The following EYS variants were observed in gnomAD, a reference collection of about 807,000 sequenced individuals.
EYS encodes protein eyes shut homolog.
EYS carries 250 observed loss-of-function variants against 282.1 expected under a neutral mutation model. The observed-to-expected ratio is 0.89, with a 90% CI of 0.80 to 0.98. EYS has a LOEUF of 0.98. Among genes scored for constraint, EYS ranks in the 50% least tolerant of loss-of-function variants. EYS has a pLI of 0.00. For synonymous variants in EYS, 1,355 were observed against 1,282.9 expected, an observed-to-expected ratio of 1.06 and a Z score of -1.20; for missense variants, 4,016 against 3,709.0, an observed-to-expected ratio of 1.08 and a Z score of -2.15.
chr6:64,932,238 G>T (rs902427362), intron 15 of EYS, among the ~76,000 whole-genome samples: 1 of 151,916 alleles, frequency 6.6e-6, no homozygotes, highest in Non-Finnish European at 1.5e-5. Context: ...GCCAGTGGAG[G>T]GGGAGGGGAT....
At chr6:65,639,567 A>G (rs1767209764) in intron 2 of EYS, among the ~76,000 whole-genome samples, 1 of 152,194 alleles carries the variant, frequency 6.6e-6, no homozygotes, top group East Asian at 1.9e-4. Context: ...GAGATATTTC[A>G]GCACACTTTT....
At chr6:65,262,050 T>G (rs140164394) in intron 12 of EYS, among the ~76,000 whole-genome samples, 1 of 152,198 alleles carries the variant, frequency 6.6e-6, no homozygotes, top group East Asian at 1.9e-4. Context: ...AAAAGTACAC[T>G]GATCATGTTG....
chr6:65,326,500 A>C (rs1342558284), intron 11 of EYS, among the ~76,000 whole-genome samples: 1 of 151,528 alleles, frequency 6.6e-6, no homozygotes, highest in Non-Finnish European at 1.5e-5. Flanking sequence ...ACCCCAGAAC[A>C]TATTTTAATA....
At chr6:63,812,873 C>T (rs550109408) in intron 36 of EYS, among the ~76,000 whole-genome samples, 11 of 152,176 alleles carry the variant, frequency 7.2e-5, no homozygotes, top group African/African-American at 2.6e-4. Flanking sequence ...TAAGTTTTTG[C>T]AATAATATGG....
intron 29 of EYS, among the ~76,000 whole-genome samples, chr6:64,381,111 T>C (rs370024433): frequency 6.6e-6 from 1 of 151,980 alleles, no homozygotes; most frequent in Non-Finnish European, 1.5e-5. Flanking sequence ...TATGAGGATA[T>C]AAGTATTTTA....
intron 12 of EYS, among the ~76,000 whole-genome samples, chr6:65,087,194 T>C (rs1409100050): frequency 6.6e-6 from 1 of 152,064 alleles, no homozygotes; most frequent in Admixed American, 6.6e-5. Context: ...TGAAATGTGT[T>C]TTCCATCCTC....
intron 12 of EYS, among the ~76,000 whole-genome samples, chr6:65,168,634 G>A (rs1011321699): frequency 6.6e-6 from 1 of 151,076 alleles, no homozygotes; most frequent in African/African-American, 2.4e-5. Flanking sequence ...ATCATCTTGG[G>A]GGTTAGGATT....
intron 22 of EYS, among the ~76,000 whole-genome samples, chr6:64,628,707 G>T (rs1379776111): frequency 6.6e-6 from 1 of 151,968 alleles, no homozygotes; most frequent in Non-Finnish European, 1.5e-5. Flanking sequence ...ATTTGTCTGC[G>T]TTCTTACCTA....
At chr6:63,968,928 T>G (rs1766428793) in intron 35 of EYS, among the ~76,000 whole-genome samples, 1 of 152,228 alleles carries the variant, frequency 6.6e-6, no homozygotes, top group Non-Finnish European at 1.5e-5. Context: ...AGATCTATAT[T>G]ACACAAAGCG....
intron 10 of EYS, among the ~76,000 whole-genome samples, chr6:65,342,547 T>A (rs1770238674): frequency 6.6e-6 from 1 of 150,586 alleles, no homozygotes; most frequent in Non-Finnish European, 1.5e-5. Context: ...ATCAAATTAA[T>A]CAAATTATTT....
At chr6:64,394,773 T>G (rs1773298069) in intron 28 of EYS, among the ~76,000 whole-genome samples, 2 of 151,696 alleles carry the variant, frequency 1.3e-5, no homozygotes, top group Non-Finnish European at 2.9e-5. Context: ...AAGACAAAAT[T>G]GACAAATGGG....
At chr6:65,699,766 T>G (rs1422519829) in intron 1 of EYS, among the ~76,000 whole-genome samples, 1 of 152,170 alleles carries the variant, frequency 6.6e-6, no homozygotes, top group Non-Finnish European at 1.5e-5. Flanking sequence ...AATCAAAGTC[T>G]TATTAATGAA....
chr6:63,937,539 A>C (rs923104031), intron 35 of EYS, among the ~76,000 whole-genome samples: 1 of 148,164 alleles, frequency 6.7e-6, no homozygotes, highest in Non-Finnish European at 1.5e-5. Flanking sequence ...CGCCACCACG[A>C]CCGGTTAATT....
At chr6:64,122,307 T>C (rs1418571759) in intron 31 of EYS, among the ~76,000 whole-genome samples, 2 of 152,174 alleles carry the variant, frequency 1.3e-5, no homozygotes, top group African/African-American at 4.8e-5. Context: ...TAGCATGAAA[T>C]CTTCCCTGGA....
intron 30 of EYS, among the ~76,000 whole-genome samples, chr6:64,287,082 G>T (rs1434381632): frequency 6.6e-6 from 1 of 152,086 alleles, no homozygotes; most frequent in Admixed American, 6.6e-5. Flanking sequence ...TGAAATAACA[G>T]GTTAGTTCTA....
chr6:65,541,249 T>C (rs945004700), intron 2 of EYS, among the ~76,000 whole-genome samples: 1 of 152,130 alleles, frequency 6.6e-6, no homozygotes, highest in African/African-American at 2.4e-5. Context: ...TGTATACTGA[T>C]TGTAAGAGAT....
chr6:63,884,695 G>T (rs562642154), intron 35 of EYS, among the ~76,000 whole-genome samples: 1 of 151,978 alleles, frequency 6.6e-6, no homozygotes, highest in South Asian at 2.1e-4. Flanking sequence ...CCTGATTTTC[G>T]AAATCTTAGT....
intron 26 of EYS, among the ~76,000 whole-genome samples, chr6:64,476,019 G>A (rs1776255507): frequency 6.6e-6 from 1 of 152,074 alleles, no homozygotes. Flanking sequence ...TGAAACTACT[G>A]GCCTCGAGCG....
chr6:64,572,846 C>T (rs1237271381), intron 26 of EYS, among the ~76,000 whole-genome samples: 2 of 152,054 alleles, frequency 1.3e-5, no homozygotes, highest in African/African-American at 4.8e-5. Flanking sequence ...GCCATAATGC[C>T]CAAAGTAATT....
Sources: gnomAD v4.1 joint callset for allele counts (sites outside exome capture counted in the v4.1 genomes callset) on GRCh38, gnomAD v4.1.1 for gene constraint, MANE v1.5 for transcripts, NCBI Gene and HGNC (gene_info 2026-07-23, HGNC 2026-07-21) for gene names.